ZNF705A: variants seen among roughly 807,000 people sequenced by gnomAD.
ZNF705A encodes zinc finger protein 705A.
In ZNF705A, 8 loss-of-function variants were observed where a neutral mutation model predicts 16.6. The observed-to-expected ratio is 0.48, with a 90% confidence interval of 0.28 to 0.87. The LOEUF is 0.87. Among genes scored for constraint, ZNF705A ranks in the 40% least tolerant of loss-of-function variants. The pLI is 0.10. For missense variants in ZNF705A, 233 were observed against 359.9 expected (o/e 0.65, Z 2.85); for synonymous variants, 73 against 117.3 (o/e 0.62, Z 2.44).
chr12:8,178,149 T>C (rs1313370464), exon 5 of ZNF705A: 1 of 158,472 alleles, frequency 6.3e-6, no homozygotes, highest in Non-Finnish European at 1.4e-5. Flanking sequence ...GTATTTTCTG[T>C]GAATAAACAT....
At chr12:8,165,218 A>T (rs145660067) in intron 1 of ZNF705A, among the ~76,000 whole-genome samples, 1 of 150,714 alleles carries the variant, frequency 6.6e-6, no homozygotes, top group Non-Finnish European at 1.5e-5. Context: ...GAATTTTTTC[A>T]TATAGTTGTT....
At chr12:8,174,046 G>A (rs1408687627) in intron 1 of ZNF705A, among the ~76,000 whole-genome samples, 4 of 152,146 alleles carry the variant, frequency 2.6e-5, no homozygotes, top group Non-Finnish European at 4.4e-5. Flanking sequence ...AATCAGTTAT[G>A]TAGAGGTGAT....
At chr12:8,177,709 C>T in exon 5 of ZNF705A, 1 of 1,411,444 alleles carries the variant, frequency 7.1e-7, no homozygotes, top group South Asian at 1.4e-5. Flanking sequence ...TAAACTTCTT[C>T]AGAACATATT....
intron 1 of ZNF705A, among the ~76,000 whole-genome samples, chr12:8,159,291 CT>C (rs911999698): frequency 6.6e-6 from 1 of 152,130 alleles, no homozygotes; most frequent in Non-Finnish European, 1.5e-5. Context: ...GTGCAAGTAT[CT>C]TTTTTGTATA....
At chr12:8,157,208 T>G (rs1009419406) in intron 1 of ZNF705A, 116 bp downstream of exon 1, 1 of 393,062 alleles carries the variant, frequency 2.5e-6, no homozygotes, top group Non-Finnish European at 4.5e-6. Context: ...AGACCCTAAA[T>G]AAGCATTTCA....
intron 1 of ZNF705A, among the ~76,000 whole-genome samples, chr12:8,164,250 C>G (rs1403547240): frequency 6.6e-6 from 1 of 152,118 alleles, no homozygotes; most frequent in African/African-American, 2.4e-5. Flanking sequence ...TTCCCCAGCA[C>G]CAGGGCCCCT....
At chr12:8,162,438 T>C (rs867583511) in intron 1 of ZNF705A, among the ~76,000 whole-genome samples, 1 of 152,258 alleles carries the variant, frequency 6.6e-6, no homozygotes. Flanking sequence ...CGAAACTTAG[T>C]CTATAGAGAC....
chr12:8,158,649 C>A (rs986729244), intron 1 of ZNF705A, among the ~76,000 whole-genome samples: 1 of 151,780 alleles, frequency 6.6e-6, no homozygotes, highest in African/African-American at 2.4e-5. Flanking sequence ...CTCTTGAATA[C>A]GTTTCTAGAA....
At chr12:8,174,552 T>C in intron 2 of ZNF705A, 100 bp downstream of exon 3, 1 of 1,589,988 alleles carries the variant, frequency 6.3e-7, no homozygotes, top group Non-Finnish European at 8.5e-7. Context: ...TAATCTCTTC[T>C]CTGCTTCTCT....
intron 1 of ZNF705A, among the ~76,000 whole-genome samples, chr12:8,165,278 ATTTTTTTTT>A (rs36022408): frequency 4.2e-5 from 4 of 94,488 alleles, no homozygotes; most frequent in African/African-American, 1.9e-4. Context: ...ATCTTTGCCC[ATTTTTTTTT>A]TTTTTTTTTT....
At chr12:8,170,426 C>T (rs1408913867), upstream of ZNF705A, among the ~76,000 whole-genome samples, 1 of 152,130 alleles carries the variant, frequency 6.6e-6, no homozygotes, top group Non-Finnish European at 1.5e-5. Context: ...ATCTCTACAT[C>T]TTGAAATAGT....
At chr12:8,166,580 G>A (rs1339764420) in intron 1 of ZNF705A, among the ~76,000 whole-genome samples, 18 of 152,204 alleles carry the variant, frequency 1.2e-4, no homozygotes, top group Non-Finnish European at 2.5e-4. Flanking sequence ...CAACCATGTG[G>A]AACTGTAAGT....
At chr12:8,170,445 A>G (rs1455932656), upstream of ZNF705A, among the ~76,000 whole-genome samples, 1 of 152,172 alleles carries the variant, frequency 6.6e-6, no homozygotes, top group Non-Finnish European at 1.5e-5. Context: ...GTTTTTATAG[A>G]TTCCACACAA....
At chr12:8,163,100 T>A (rs751625666) in intron 1 of ZNF705A, among the ~76,000 whole-genome samples, 53 of 151,972 alleles carry the variant, frequency 3.5e-4, no homozygotes, top group Non-Finnish European at 6.3e-4. Context: ...AGGCAGGAGG[T>A]CTGGATTTGG....
At position 8,177,633 on chromosome 12, in the gene ZNF705A, G is replaced by A; in HGVS notation, c.*50G>A. 4 of 1,589,934 alleles carry A rather than the reference G, an allele frequency of 2.5e-6. No homozygotes were observed. The East Asian group carries it at 6.7e-5, about 27-fold the overall frequency. On this transcript the variant is annotated 3_prime_UTR_variant, in exon 5 of 5. Transcript: ENST00000359286. ...AAGCCATATGAATGCCATTTATGTG[G>A]GAAAGCCTTCAGTCAATGTACTAGT...
chr12:8,179,941 A>G (rs1390706851), exon 5 of ZNF705A: 1 of 152,150 alleles, frequency 6.6e-6, no homozygotes, highest in African/African-American at 2.4e-5. Flanking sequence ...TCTCTTATTC[A>G]AGCTCATCTT....
upstream of ZNF705A, among the ~76,000 whole-genome samples, chr12:8,168,512 C>T (rs777099350): frequency 6.6e-6 from 1 of 152,304 alleles, no homozygotes; most frequent in African/African-American, 2.4e-5. Context: ...GACCATATCT[C>T]ATTATTTGAA....
At chr12:8,173,425 A>G (rs1490694524) in intron 1 of ZNF705A, among the ~76,000 whole-genome samples, 2 of 152,026 alleles carry the variant, frequency 1.3e-5, no homozygotes, top group Non-Finnish European at 1.5e-5. Context: ...GGCTGGTTAG[A>G]AAAAAAACAA....
upstream of ZNF705A, among the ~76,000 whole-genome samples, chr12:8,170,980 A>C (rs759750516): frequency 6.6e-6 from 1 of 152,350 alleles, no homozygotes; most frequent in African/African-American, 2.4e-5. Flanking sequence ...TTAGGGGAGT[A>C]ATTTTGTCAA....
Sources: gnomAD v4.1 joint callset for allele counts (sites outside exome capture counted in the v4.1 genomes callset) on GRCh38, gnomAD v4.1.1 for gene constraint, MANE v1.5 for transcripts, NCBI Gene and HGNC (gene_info 2026-07-23, HGNC 2026-07-21) for gene names.